The following SLC16A10 variants were observed in gnomAD, a reference collection of about 807,000 sequenced individuals.
The protein encoded by SLC16A10 is monocarboxylate transporter 10.
Under a neutral mutation model 40.0 loss-of-function variants are expected in SLC16A10, and 27 were observed. That is an observed-to-expected ratio of 0.67 (90% CI 0.50 to 0.93). The LOEUF is 0.93. Among genes scored for constraint, SLC16A10 ranks in the 40% least tolerant of loss-of-function variants. The probability of loss-of-function intolerance (pLI) is 0.00; values close to 1 mark genes in which losing one functional copy is unlikely to be tolerated. For missense variants in SLC16A10, 529 were observed against 658.2 expected (o/e 0.80, Z 2.15); for synonymous variants, 213 against 249.8 (o/e 0.85, Z 1.39).
intron 1 of SLC16A10, among the ~76,000 whole-genome samples, chr6:111,094,239 C>T (rs1771033925): frequency 6.6e-6 from 1 of 152,122 alleles, no homozygotes; most frequent in African/African-American, 2.4e-5. Context: ...TTCCTGCTTT[C>T]TTCCATCCAC....
intron 3 of SLC16A10, among the ~76,000 whole-genome samples, chr6:111,205,032 G>A (rs1012643738): frequency 3.3e-5 from 5 of 151,972 alleles, no homozygotes; most frequent in African/African-American, 9.7e-5. Flanking sequence ...AACAGATTAC[G>A]GAGAGCTTTG....
intron 4 of SLC16A10, among the ~76,000 whole-genome samples, chr6:111,215,583 G>A (rs62420361): frequency 3.9e-5 from 6 of 151,968 alleles, no homozygotes; most frequent in East Asian, 1.9e-4. Flanking sequence ...ATCTGGCCCC[G>A]TACCATCCTA....
chr6:111,148,344 G>A (rs1216023), intron 1 of SLC16A10, among the ~76,000 whole-genome samples: 1,540 of 152,262 alleles, frequency 0.01, 45 homozygotes, highest in Non-Finnish European at 9.2e-3. Context: ...CAGGTTTAAT[G>A]TTCTTTCTTA....
intron 5 of SLC16A10, among the ~76,000 whole-genome samples, chr6:111,221,723 G>T (rs1444853866): frequency 1.3e-5 from 2 of 151,438 alleles, no homozygotes; most frequent in Non-Finnish European, 2.9e-5. Flanking sequence ...TCCAGCCTGG[G>T]TGACACAGTG....
In SLC16A10 at chr6:111,110,347, AT is replaced by A. The variant is rs11383793; in HGVS notation, c.343+22266del. 6.0e-3 allele frequency among the ~76,000 whole-genome samples: 880 copies of A among 146,448 alleles called. 9 individuals are homozygous for A. The highest frequency in any genetic ancestry group is 0.018 in the East Asian group (92 of 5,036). On this transcript the variant is annotated intron_variant, in intron 1 of 5. Coordinates refer to ENST00000368851, the MANE Select transcript of SLC16A10 (RefSeq NM_018593.5). The stretch of plus-strand genomic sequence containing the variant: ...AGATTAGAGTCAAGCGAGGGTAACA[AT>A]TTTTTTTTTTTTTGAAGATAGGAGT...
intron 1 of SLC16A10, among the ~76,000 whole-genome samples, chr6:111,124,555 A>AT (rs1352046687): frequency 6.6e-6 from 1 of 151,988 alleles, no homozygotes; most frequent in Admixed American, 6.6e-5. Flanking sequence ...CAGAGATGAG[A>AT]TTTTGTCATG....
rs550453419 is a variant in SLC16A10, at chr6:111,226,109, A to T, written c.*3874A>T. ...ATATTTAAGGGAAGAAATAAATTTCATACAAATTAGTATCTTTTATGCTAA... is the reference window on the plus strand; with the variant it reads ...ATATTTAAGGGAAGAAATAAATTTCTTACAAATTAGTATCTTTTATGCTAA... On this transcript the variant is annotated 3_prime_UTR_variant, in exon 6 of 6. Coordinates refer to ENST00000368851, the MANE Select transcript of SLC16A10 (RefSeq NM_018593.5). 9 of 152,224 alleles carry T rather than the reference A, an allele frequency of 5.9e-5. No homozygotes were observed. The highest frequency in any genetic ancestry group is 1.9e-4 in the African/African-American group (8 of 41,444). The allele number at this position is 152,224 out of a possible 1,614,324, so 9.4% of individuals were successfully genotyped here. A position where few individuals can be genotyped will look rare whatever the true frequency, so the allele number is the denominator to read the frequency against.
At chr6:111,135,944 G>T (rs568555609) in intron 1 of SLC16A10, among the ~76,000 whole-genome samples, 1 of 152,266 alleles carries the variant, frequency 6.6e-6, no homozygotes, top group Admixed American at 6.5e-5. Context: ...AGGCACCAGG[G>T]CCCTCAGTGA....
At chr6:111,167,918 T>A (rs1437219321) in intron 1 of SLC16A10, among the ~76,000 whole-genome samples, 1 of 151,716 alleles carries the variant, frequency 6.6e-6, no homozygotes, top group African/African-American at 2.4e-5. Flanking sequence ...CAAGTAATCC[T>A]CCTACCTCAG....
Position 111,177,166 on chromosome 6 carries a change from G to A in SLC16A10, c.489-46G>A, listed in dbSNP as rs1027157646. ...AAGATTTTATTCTACCAAGCACACA[G>A]TAACAATATTGAAAGCTGCTTTCCA... On this transcript the variant is annotated intron_variant, in intron 2 of 5. Transcript: ENST00000368851. The A allele has an allele frequency of 6.1e-6, 8 of 1,311,510 alleles. No individual in the cohort carries two copies. The African/African-American group carries it at 7.4e-5, about 12-fold the overall frequency. The allele number at this position is 1,311,510 out of a possible 1,614,324, so 81.2% of individuals were successfully genotyped here. A position where few individuals can be genotyped will look rare whatever the true frequency, so the allele number is the denominator to read the frequency against.
intron 1 of SLC16A10, among the ~76,000 whole-genome samples, chr6:111,090,898 G>A (rs1480790340): frequency 2.6e-5 from 4 of 152,186 alleles, no homozygotes; most frequent in Non-Finnish European, 5.9e-5. Flanking sequence ...AGTACAGCTA[G>A]TTCTGTCTCC....
intron 3 of SLC16A10, among the ~76,000 whole-genome samples, chr6:111,197,706 T>G (rs562890356): frequency 6.6e-6 from 1 of 152,186 alleles, no homozygotes; most frequent in East Asian, 1.9e-4. Context: ...TGCTCAGTTT[T>G]CTGGTGAGGT....
intron 5 of SLC16A10, among the ~76,000 whole-genome samples, chr6:111,220,752 A>G (rs1014781913): frequency 1.3e-5 from 2 of 152,260 alleles, no homozygotes; most frequent in African/African-American, 4.8e-5. Flanking sequence ...GCAGCACTCT[A>G]GTAGTAAATA....
chr6:111,092,468 A>G (rs1770997337), intron 1 of SLC16A10, among the ~76,000 whole-genome samples: 1 of 151,114 alleles, frequency 6.6e-6, no homozygotes, highest in Non-Finnish European at 1.5e-5. Flanking sequence ...TGCGCTTGCC[A>G]CCACACCTGG....
intron 3 of SLC16A10, among the ~76,000 whole-genome samples, chr6:111,204,393 G>C (rs756002303): frequency 8.5e-5 from 13 of 152,126 alleles, no homozygotes; most frequent in Non-Finnish European, 1.8e-4. Context: ...TTGACTTTGA[G>C]GTGCCTTTGA....
chr6:111,100,243 A>G (rs1388931380), intron 1 of SLC16A10, among the ~76,000 whole-genome samples: 1 of 152,190 alleles, frequency 6.6e-6, no homozygotes, highest in African/African-American at 2.4e-5. Context: ...ATGATGCTCA[A>G]TAGATCTGAA....
Position 111,225,137 on chromosome 6 carries a change from A to G in SLC16A10, c.*2902A>G, listed in dbSNP as rs374253355. The G allele has an allele frequency of 2.6e-5, 4 of 152,286 alleles. No individual in the cohort carries two copies. The highest frequency in any genetic ancestry group is 7.2e-5 in the African/African-American group (3 of 41,542). The allele number at this position is 152,286 out of a possible 1,614,324, so 9.4% of individuals were successfully genotyped here. On this transcript the variant is annotated 3_prime_UTR_variant, in exon 6 of 6. Transcript: ENST00000368851. ...CCATCCATTTAAGCAGTAATATACC[A>G]CCCAGATTATTGATACTTTATGCAA...
At chr6:111,121,733 C>T (rs987372359) in intron 1 of SLC16A10, among the ~76,000 whole-genome samples, 4 of 152,184 alleles carry the variant, frequency 2.6e-5, no homozygotes, top group Non-Finnish European at 1.5e-5. Context: ...CAGCCAGGGC[C>T]AGATTCCTGG....
At chr6:111,214,933 C>T (rs1773397175) in intron 4 of SLC16A10, among the ~76,000 whole-genome samples, 1 of 151,962 alleles carries the variant, frequency 6.6e-6, no homozygotes, top group Admixed American at 6.6e-5. Context: ...TCCTGGCTAA[C>T]ACAGTGAAGC....
Sources: gnomAD v4.1 joint callset for allele counts (sites outside exome capture counted in the v4.1 genomes callset) on GRCh38, gnomAD v4.1.1 for gene constraint, MANE v1.5 for transcripts, NCBI Gene and HGNC (gene_info 2026-07-23, HGNC 2026-07-21) for gene names.